GMCL1: variants seen among roughly 807,000 people sequenced by gnomAD.
GMCL1 encodes germ cell-less 1, spermatogenesis associated.
In GMCL1, 54 loss-of-function variants were observed where a neutral mutation model predicts 75.5. That is an observed-to-expected ratio of 0.71 (90% CI 0.57 to 0.90). The LOEUF is 0.90. Ranked by LOEUF, GMCL1 falls within the 40% of genes least tolerant of loss-of-function variation. GMCL1 has a pLI of 0.00. For synonymous variants in GMCL1, 210 were observed against 209.6 expected (o/e 1.00, Z -0.02); for missense variants, 537 against 622.7 (o/e 0.86, Z 1.47).
intron 11 of GMCL1, among the ~76,000 whole-genome samples, chr2:69,868,298 T>A (rs1675878842): frequency 6.6e-6 from 1 of 152,184 alleles, no homozygotes; most frequent in Non-Finnish European, 1.5e-5. Context: ...CTGTATGTTA[T>A]TTACTGCTAT....
chr2:69,864,955 A>T lies in GMCL1; in HGVS notation c.1198A>T (p.Lys400Ter). The change falls in exon 11 of 14, where the codon AAG (lysine) becomes TAG (stop). Residue 400 changes from lysine (K) to a stop codon, truncating the protein, a stop_gained. Transcript: ENST00000282570. LOFTEE classifies it high-confidence loss of function. ...LEGNSMRCGR[K>*]LAKDGEYCWR... is the part of the protein sequence containing the mutation. ...GGGAAACAGCATGAGGTGTGGTAGAAAGCTTGCCAAAGATGGTGAAGTAAG... is the reference window on the plus strand; with the variant it reads ...GGGAAACAGCATGAGGTGTGGTAGATAGCTTGCCAAAGATGGTGAAGTAAG... 1 of 1,613,340 alleles carries T rather than the reference A, an allele frequency of 6.2e-7. No homozygotes were observed. Among genetic ancestry groups the T allele is most frequent in the Non-Finnish European group, 8.5e-7 (1 of 1,179,366 alleles).
chr2:69,834,358 T>C (rs1418675101), intron 1 of GMCL1, among the ~76,000 whole-genome samples: 1 of 152,202 alleles, frequency 6.6e-6, no homozygotes, highest in Non-Finnish European at 1.5e-5. Context: ...AATCCACTAT[T>C]TTGTGTAGCC....
intron 6 of GMCL1, among the ~76,000 whole-genome samples, chr2:69,846,365 TGAC>T (rs1573350704): frequency 6.6e-6 from 1 of 152,328 alleles, no homozygotes; most frequent in East Asian, 1.9e-4. Flanking sequence ...CAATGTAGTA[TGAC>T]AACTATTGCA....
At chr2:69,867,852 C>T (rs1229273763) in intron 11 of GMCL1, among the ~76,000 whole-genome samples, 1 of 152,144 alleles carries the variant, frequency 6.6e-6, no homozygotes, top group East Asian at 1.9e-4. Context: ...ATTGATCCTC[C>T]CATTAGCTGA....
At chr2:69,837,467 G>A in intron 1 of GMCL1, 80 bp from the exon 2 acceptor site, 1 of 1,073,440 alleles carries the variant, frequency 9.3e-7, no homozygotes, top group East Asian at 2.8e-5. Context: ...TTGAATAAAA[G>A]GAGTATTTAG....
chr2:69,858,943 C>T (rs921587191), intron 9 of GMCL1, among the ~76,000 whole-genome samples: 11 of 151,282 alleles, frequency 7.3e-5, no homozygotes, highest in Middle Eastern at 3.2e-3. Context: ...GTAAGGAGAT[C>T]GAGACCATCC....
intron 10 of GMCL1, 70 bp downstream of exon 10, chr2:69,861,417 G>T: frequency 1.1e-6 from 1 of 912,566 alleles, no homozygotes; most frequent in Non-Finnish European, 1.7e-6. Flanking sequence ...CATTCATTAT[G>T]TTGAAAAATC....
At chr2:69,858,723 C>T (rs532884627) in intron 9 of GMCL1, among the ~76,000 whole-genome samples, 3 of 152,202 alleles carry the variant, frequency 2.0e-5, no homozygotes, top group Admixed American at 1.3e-4. Flanking sequence ...AGAAAGATTT[C>T]AAGTTTGACT....
intron 1 of GMCL1, among the ~76,000 whole-genome samples, chr2:69,835,316 A>G (rs139718994): frequency 0.016 from 2,477 of 152,204 alleles, 64 homozygotes; most frequent in African/African-American, 0.057. Context: ...ATCCTTTATC[A>G]TAGCAGTCTA....
intron 13 of GMCL1, among the ~76,000 whole-genome samples, chr2:69,872,462 A>T (rs1259266523): frequency 3.3e-5 from 5 of 152,222 alleles, no homozygotes. Flanking sequence ...TCCAAAGGGC[A>T]TAATGTTTTA....
At chr2:69,846,373 A>G (rs1675145362) in intron 6 of GMCL1, among the ~76,000 whole-genome samples, 1 of 152,230 alleles carries the variant, frequency 6.6e-6, no homozygotes, top group Non-Finnish European at 1.5e-5. Flanking sequence ...TATGACAACT[A>G]TTGCATAACA....
At position 69,871,736 on chromosome 2, in the gene GMCL1, T is replaced by TA. The variant is rs781117400; in HGVS notation, c.1365-7dup. ...TTGTGTTTATTTTTTATTTTTTTTT[T>TA]AATCCTAGATTACGTTTGGCTTCTT... On this transcript the variant is annotated splice_polypyrimidine_tract_variant and intron_variant, in intron 12 of 13. Transcript: ENST00000282570. 7.9e-5 allele frequency: 111 copies of TA among 1,413,632 alleles called. No homozygotes were observed. In the African/African-American group the frequency reaches 1.4e-3, roughly 18 times the overall value. The allele number at this position is 1,413,632 out of a possible 1,614,324, so 87.6% of individuals were successfully genotyped here.
intron 9 of GMCL1, 109 bp downstream of exon 9, chr2:69,855,069 A>G: frequency 1.1e-6 from 1 of 880,122 alleles, no homozygotes; most frequent in Middle Eastern, 3.5e-4. Flanking sequence ...AATCCCAAAA[A>G]GGTATACATC....
intron 1 of GMCL1, among the ~76,000 whole-genome samples, chr2:69,830,990 A>G (rs1674656018): frequency 6.6e-6 from 1 of 151,928 alleles, no homozygotes; most frequent in African/African-American, 2.4e-5. Context: ...TGCGATCTCA[A>G]CTCACTGCAA....
chr2:69,851,631 G>A (rs1015966468), intron 8 of GMCL1, among the ~76,000 whole-genome samples: 2 of 151,814 alleles, frequency 1.3e-5, no homozygotes, highest in Non-Finnish European at 2.9e-5. Flanking sequence ...TTAGCAGGGC[G>A]TGGTGGCATG....
At chr2:69,840,678 C>A (rs1429371524) in intron 3 of GMCL1, among the ~76,000 whole-genome samples, 2 of 152,128 alleles carry the variant, frequency 1.3e-5, no homozygotes, top group African/African-American at 4.8e-5. Flanking sequence ...TTGGTTGTGA[C>A]CACTGATGTC....
At chr2:69,862,072 T>C (rs1675669955) in intron 10 of GMCL1, among the ~76,000 whole-genome samples, 2 of 152,122 alleles carry the variant, frequency 1.3e-5, no homozygotes, top group South Asian at 4.1e-4. Flanking sequence ...CAAAAACATA[T>C]GACTCCCCCC....
chr2:69,878,083 T>G (rs1336013711), intron 13 of GMCL1, among the ~76,000 whole-genome samples: 3 of 152,184 alleles, frequency 2.0e-5, no homozygotes, highest in Non-Finnish European at 4.4e-5. Context: ...CAAACAGAGA[T>G]CTGTAGCATC....
At chr2:69,878,000 T>C (rs1041515095) in intron 13 of GMCL1, among the ~76,000 whole-genome samples, 2 of 152,172 alleles carry the variant, frequency 1.3e-5, no homozygotes, top group African/African-American at 2.4e-5. Context: ...AATTCTCATT[T>C]TAGTGTTTCT....
Sources: gnomAD v4.1 joint callset for allele counts (sites outside exome capture counted in the v4.1 genomes callset) on GRCh38, gnomAD v4.1.1 for gene constraint, MANE v1.5 for transcripts, NCBI Gene and HGNC (gene_info 2026-07-23, HGNC 2026-07-21) for gene names.